The following PXDNL variants were observed in gnomAD, a reference collection of about 807,000 sequenced individuals.
PXDNL encodes the protein peroxidasin like, also known as probable oxidoreductase PXDNL.
In PXDNL, 145 loss-of-function variants were observed where a neutral mutation model predicts 150.8. The ratio of observed to expected loss-of-function variants is 0.96; its 90% CI spans 0.84 to 1.10. The LOEUF (loss-of-function observed/expected upper bound fraction) is 1.10, where lower values mean the gene tolerates loss of function less well. Among genes scored for constraint, PXDNL ranks in the 50% least tolerant of loss-of-function variants. PXDNL has a pLI of 0.00. For synonymous variants in PXDNL, 757 were observed against 725.7 expected (o/e 1.04, Z -0.69); for missense variants, 2,087 against 1,873.9 (o/e 1.11, Z -2.10).
intron 1 of PXDNL, among the ~76,000 whole-genome samples, chr8:51,783,337 T>G (rs1008577293): frequency 3.9e-5 from 6 of 152,214 alleles, no homozygotes; most frequent in Non-Finnish European, 7.3e-5. Context: ...AAAACCTCCT[T>G]CTGCTGCTGA....
intron 2 of PXDNL, among the ~76,000 whole-genome samples, chr8:51,625,673 A>G (rs1814348246): frequency 6.6e-6 from 1 of 152,210 alleles, no homozygotes; most frequent in Non-Finnish European, 1.5e-5. Context: ...TTAAAGGAAA[A>G]ATCAAGTTGG....
At chr8:51,506,150 A>T (rs1195174958) in intron 4 of PXDNL, among the ~76,000 whole-genome samples, 2 of 152,220 alleles carry the variant, frequency 1.3e-5, no homozygotes, top group Non-Finnish European at 2.9e-5. Flanking sequence ...ATTCATTATA[A>T]AGAGAATTAT....
rs1221098951 is a variant in PXDNL at position 51,408,524 on chromosome 8, G to A, written c.3100C>T (p.Arg1034Ter). Residue 1034 changes from arginine (R) to a stop codon, truncating the protein, a stop_gained, in exon 17 of 23, where the codon CGA becomes TGA. Coordinates refer to ENST00000356297, the MANE Select transcript of PXDNL (RefSeq NM_144651.5). LOFTEE classifies it high-confidence loss of function. ...DPGTRMLRGY[R>*]GYNPNVNAGI... ...GCATTCACGTTGGGGTTGTAGCCTCGGTAACCCCTCAGCATCCTAGTGCCA... is the reference window on the plus strand; with the variant it reads ...GCATTCACGTTGGGGTTGTAGCCTCAGTAACCCCTCAGCATCCTAGTGCCA... The A allele has an allele frequency of 1.9e-6, 3 of 1,612,824 alleles. No individual in the cohort carries two copies. The highest frequency in any genetic ancestry group is 2.2e-5 in the East Asian group (1 of 44,850).
At chr8:51,367,159 G>A (rs888703425) in intron 19 of PXDNL, among the ~76,000 whole-genome samples, 1 of 148,950 alleles carries the variant, frequency 6.7e-6, no homozygotes, top group Non-Finnish European at 1.5e-5. Context: ...GCATGTTGCT[G>A]CTGGGTAAAT....
intron 4 of PXDNL, among the ~76,000 whole-genome samples, chr8:51,502,961 C>T (rs1002970251): frequency 1.3e-5 from 2 of 152,058 alleles, no homozygotes; most frequent in Non-Finnish European, 1.5e-5. Flanking sequence ...GTTTTATTAT[C>T]CACAGTAATT....
intron 19 of PXDNL, among the ~76,000 whole-genome samples, chr8:51,360,892 T>C (rs1357715081): frequency 3.3e-5 from 5 of 152,270 alleles, no homozygotes; most frequent in Admixed American, 2.0e-4. Context: ...ATGGCTGTGC[T>C]GGAGTCTCTG....
At chr8:51,610,916 C>T (rs571270456) in intron 2 of PXDNL, among the ~76,000 whole-genome samples, 2 of 152,198 alleles carry the variant, frequency 1.3e-5, no homozygotes, top group African/African-American at 4.8e-5. Flanking sequence ...GACTCAAAGT[C>T]AATTAACAGA....
At chr8:51,701,105 C>CT (rs958589709) in intron 1 of PXDNL, among the ~76,000 whole-genome samples, 2 of 151,816 alleles carry the variant, frequency 1.3e-5, no homozygotes, top group Admixed American at 6.6e-5. Flanking sequence ...TGAACATTGT[C>CT]TTTTTTTTCT....
intron 14 of PXDNL, among the ~76,000 whole-genome samples, chr8:51,416,266 T>C (rs1390509620): frequency 4.6e-5 from 7 of 152,208 alleles, no homozygotes; most frequent in African/African-American, 1.7e-4. Flanking sequence ...CAGGACATAG[T>C]GCTATTGAGA....
At chr8:51,644,633 A>G (rs2130785713) in intron 2 of PXDNL, among the ~76,000 whole-genome samples, 1 of 149,126 alleles carries the variant, frequency 6.7e-6, no homozygotes, top group African/African-American at 2.5e-5. Flanking sequence ...CTATTTTTGT[A>G]TTTTTAGTAG....
intron 3 of PXDNL, among the ~76,000 whole-genome samples, chr8:51,570,081 GA>G (rs1812902964): frequency 6.6e-6 from 1 of 151,942 alleles, no homozygotes; most frequent in Non-Finnish European, 1.5e-5. Flanking sequence ...CCGGCTCAGA[GA>G]AAGACATGAG....
chr8:51,699,942 C>A (rs1215453790), intron 1 of PXDNL, among the ~76,000 whole-genome samples: 1 of 152,144 alleles, frequency 6.6e-6, no homozygotes, highest in Non-Finnish European at 1.5e-5. Context: ...TCAAAGACCA[C>A]TGACCACAGA....
intron 17 of PXDNL, among the ~76,000 whole-genome samples, chr8:51,391,359 CA>C (rs1807902911): frequency 6.6e-6 from 1 of 152,122 alleles, no homozygotes; most frequent in Non-Finnish European, 1.5e-5. Flanking sequence ...GTCCCACCAA[CA>C]GTGTAAAAGT....
intron 18 of PXDNL, among the ~76,000 whole-genome samples, chr8:51,372,298 T>G (rs1807146988): frequency 6.6e-6 from 1 of 152,194 alleles, no homozygotes; most frequent in African/African-American, 2.4e-5. Flanking sequence ...CTACTCAAGC[T>G]CTACAAAATG....
At chr8:51,356,700 T>G (rs1806520599) in intron 19 of PXDNL, among the ~76,000 whole-genome samples, 1 of 152,182 alleles carries the variant, frequency 6.6e-6, no homozygotes, top group Non-Finnish European at 1.5e-5. Flanking sequence ...TTTATCAATC[T>G]TGGTTACTGT....
chr8:51,350,430 G>C (rs998401550), intron 19 of PXDNL, among the ~76,000 whole-genome samples: 11 of 137,502 alleles, frequency 8.0e-5, no homozygotes, highest in Admixed American at 5.1e-4. Context: ...TGCGATCTCG[G>C]CTAACTGCAA....
chr8:51,356,081 A>G (rs1253198477), intron 19 of PXDNL, among the ~76,000 whole-genome samples: 1 of 152,242 alleles, frequency 6.6e-6, no homozygotes, highest in African/African-American at 2.4e-5. Flanking sequence ...TAAATAACTG[A>G]GAGCAAATTA....
At chr8:51,375,044 AGT>A (rs1051347785) in intron 17 of PXDNL, among the ~76,000 whole-genome samples, 31 of 152,064 alleles carry the variant, frequency 2.0e-4, no homozygotes, top group Middle Eastern at 3.4e-3. Context: ...TATATATGCA[AGT>A]GTGTGTGTGT....
At chr8:51,624,541 A>G (rs1418702210) in intron 2 of PXDNL, among the ~76,000 whole-genome samples, 1 of 151,322 alleles carries the variant, frequency 6.6e-6, no homozygotes, top group East Asian at 1.9e-4. Context: ...GACTAGAAAT[A>G]ATATTTTCTA....
Sources: allele counts gnomAD v4.1 joint callset (sites outside exome capture counted in the v4.1 genomes callset), GRCh38; gene constraint gnomAD v4.1.1; transcripts MANE v1.5; gene names NCBI Gene and HGNC (gene_info 2026-07-23, HGNC 2026-07-21).